Variants in BDP1 observed in about 807,000 individuals in gnomAD.
BDP1 encodes the protein transcription factor TFIIIB component B'' homolog.
A neutral mutation model predicts 266.6 loss-of-function variants in BDP1; 169 were observed. That is an observed-to-expected ratio of 0.63 (90% CI 0.56 to 0.72). The LOEUF (loss-of-function observed/expected upper bound fraction) is 0.72. Among genes scored for constraint, BDP1 ranks in the 30% least tolerant of loss-of-function variants. The pLI is 0.00. For missense variants in BDP1, 3,015 were observed against 3,053.8 expected, an observed-to-expected ratio of 0.99 and a Z score of 0.30; for synonymous variants, 1,090 against 1,022.4, an observed-to-expected ratio of 1.07 and a Z score of -1.26.
At position 71,560,245 on chromosome 5, in the gene BDP1, G is replaced by C; in HGVS notation, c.7496+8G>C. 3.1e-6 allele frequency: 5 copies of C among 1,611,896 alleles called. No individual in the cohort carries two copies. In the South Asian group the frequency reaches 5.5e-5, roughly 18 times the overall value. On this transcript the variant is annotated splice_region_variant and intron_variant, in intron 37 of 38. Transcript: ENST00000358731. Reference sequence around the variant, plus strand: ...TAAAGCCTCACTATCCAGGTATCATGAACAAATCTTTAATAAGTGTTTTGC... The same window carrying C: ...TAAAGCCTCACTATCCAGGTATCATCAACAAATCTTTAATAAGTGTTTTGC...
chr5:71,554,343 C>G (rs888255257), intron 35 of BDP1, among the ~76,000 whole-genome samples: 10 of 152,162 alleles, frequency 6.6e-5, no homozygotes, highest in Admixed American at 6.5e-4. Context: ...TGGAAGAACT[C>G]TTATATATGT....
At position 71,502,764 on chromosome 5, in the gene BDP1, T is replaced by C; in HGVS notation, c.2214T>C (p.Asn738=). 1 of 1,613,580 alleles carries C rather than the reference T, an allele frequency of 6.2e-7. No homozygotes were observed. Among genetic ancestry groups the C allele is most frequent in the South Asian group, 1.1e-5 (1 of 91,054 alleles). The change falls in exon 15 of 39, where the codon AAT becomes AAC. Residue 738 remains asparagine, a synonymous_variant. Coordinates refer to ENST00000358731, the MANE Select transcript of BDP1 (RefSeq NM_018429.3). The part of the protein sequence containing the change: ...QEEIGANVEK[N]ENESCADRDT... ...AAATTGGGGCCAATGTAGAGAAGAATGAAAATGAATCCTGTGCTGATAGAG... is the reference window on the plus strand; with the variant it reads ...AAATTGGGGCCAATGTAGAGAAGAACGAAAATGAATCCTGTGCTGATAGAG...
intron 7 of BDP1, among the ~76,000 whole-genome samples, chr5:71,475,215 C>T (rs574983668): frequency 6.6e-6 from 1 of 152,206 alleles, no homozygotes; most frequent in Admixed American, 6.5e-5. Flanking sequence ...TCAAATGATC[C>T]TCCCACCTCG....
chr5:71,498,293 A>T (rs895015788), intron 13 of BDP1, among the ~76,000 whole-genome samples: 1 of 151,744 alleles, frequency 6.6e-6, no homozygotes, highest in Non-Finnish European at 1.5e-5. Flanking sequence ...ATGGAGTTTC[A>T]CTGTGTTCAC....
the BDP1 span, among the ~76,000 whole-genome samples, chr5:71,573,011 T>A: frequency 6.6e-6 from 1 of 151,882 alleles, no homozygotes; most frequent in Non-Finnish European, 1.5e-5. Context: ...GGTGGATCAT[T>A]TGAGGTTAGG....
At chr5:71,544,054 G>A (rs1200258975) in intron 30 of BDP1, among the ~76,000 whole-genome samples, 4 of 152,254 alleles carry the variant, frequency 2.6e-5, no homozygotes, top group South Asian at 4.1e-4. Context: ...TACCCACCTC[G>A]AAGTCTCTTT....
intron 9 of BDP1, among the ~76,000 whole-genome samples, chr5:71,487,561 C>A (rs912320095): frequency 2.6e-5 from 4 of 152,040 alleles, no homozygotes; most frequent in Non-Finnish European, 5.9e-5. Context: ...TGGTTTTAAT[C>A]ACCAAGAAAC....
chr5:71,547,329 C>CT (rs926222508), intron 32 of BDP1, among the ~76,000 whole-genome samples: 14 of 151,906 alleles, frequency 9.2e-5, no homozygotes, highest in South Asian at 4.2e-4. Flanking sequence ...GTCTGGATTT[C>CT]TTTTTTTTAA....
chr5:71,562,543 T>C (rs1428984790), intron 38 of BDP1, 23 bp downstream of exon 38: 6 of 1,604,500 alleles, frequency 3.7e-6, no homozygotes. Flanking sequence ...TACTGTATTT[T>C]ATAGTTTGTA....
At chr5:71,466,688 T>C (rs1761927615) in intron 5 of BDP1, among the ~76,000 whole-genome samples, 1 of 152,180 alleles carries the variant, frequency 6.6e-6, no homozygotes, top group Non-Finnish European at 1.5e-5. Flanking sequence ...TTTGGTTTAA[T>C]TTCTCAGTTA....
chr5:71,472,006 AT>A (rs1301271288), intron 7 of BDP1, among the ~76,000 whole-genome samples: 3 of 152,242 alleles, frequency 2.0e-5, no homozygotes, highest in Non-Finnish European at 4.4e-5. Context: ...AAATGTTAAA[AT>A]TCTGTGAAGG....
At chr5:71,525,838 C>T (rs1458840268) in intron 25 of BDP1, among the ~76,000 whole-genome samples, 3 of 149,294 alleles carry the variant, frequency 2.0e-5, no homozygotes, top group Non-Finnish European at 4.5e-5. Flanking sequence ...ACTTCTCAGA[C>T]GGTGTGGCTG....
At chr5:71,507,315 A>G (rs1580098500) in intron 16 of BDP1, among the ~76,000 whole-genome samples, 1 of 152,306 alleles carries the variant, frequency 6.6e-6, no homozygotes, top group Middle Eastern at 3.4e-3. Flanking sequence ...TTGAGAAATA[A>G]TCTAGTTCAA....
intron 26 of BDP1, among the ~76,000 whole-genome samples, chr5:71,535,619 T>A (rs753100041): frequency 6.6e-6 from 1 of 152,192 alleles, no homozygotes; most frequent in African/African-American, 2.4e-5. Context: ...AAAACAAATT[T>A]ATTCTCTCAC....
intron 13 of BDP1, among the ~76,000 whole-genome samples, chr5:71,499,945 T>C (rs971165061): frequency 1.3e-5 from 2 of 152,206 alleles, no homozygotes; most frequent in Non-Finnish European, 2.9e-5. Context: ...TTATTTGTTA[T>C]TTTTATTACT....
rs35347206 is a variant in BDP1, at chr5:71,533,468, A to ATT, written c.5892+1057_5892+1058dup. ...TTTCACTTTTTTTTTTGTTCGGTGG[A>ATT]TTTTTTTTTTTTTTTTTGAGACGGC... is the stretch of plus-strand genomic sequence containing the variant. On this transcript the variant is annotated intron_variant, in intron 26 of 38. Coordinates refer to ENST00000358731, the MANE Select transcript of BDP1 (RefSeq NM_018429.3). Among the ~76,000 whole-genome samples the ATT allele has an allele frequency of 9.8e-4, 122 of 124,788 alleles. 1 individual carries two copies. The highest frequency in any genetic ancestry group is 2.3e-3 in the East Asian group (10 of 4,386). 81.9% of individuals were successfully genotyped at this position (124,788 alleles called of 152,430 possible).
Position 71,562,320 on chromosome 5 carries a change from A to G in BDP1, c.7543A>G (p.Asn2515Asp), listed in dbSNP as rs932045602. 2 of 1,612,892 alleles carry G rather than the reference A, an allele frequency of 1.2e-6. No homozygotes were observed. Among genetic ancestry groups the G allele is most frequent in the Admixed American group, 3.3e-5 (2 of 59,748 alleles). The change falls in exon 38 of 39, where the codon AAT becomes GAT. Residue 2515 changes from asparagine (N) to aspartate (D), a missense_variant. By Grantham distance (23) the Asn-to-Asp change is conservative. Coordinates refer to ENST00000358731, the MANE Select transcript of BDP1 (RefSeq NM_018429.3). ...LGFLSLICSK[N>D]SLESDEPMQV... Reference sequence around the variant, plus strand: ...ATTTTTATCTTTAATATGCTCAAAGAATAGTTTGGAGTCTGATGAACCTAT... The same window carrying G: ...ATTTTTATCTTTAATATGCTCAAAGGATAGTTTGGAGTCTGATGAACCTAT...
At chr5:71,562,811 G>A (rs1280000509) in intron 38 of BDP1, 5 of 1,335,808 alleles carry the variant, frequency 3.7e-6, no homozygotes, top group African/African-American at 1.5e-5. Context: ...AGGAAGCAGT[G>A]CTGACACCCA....
chr5:71,457,751 A>C (rs1409557854), intron 1 of BDP1, among the ~76,000 whole-genome samples: 2 of 152,224 alleles, frequency 1.3e-5, no homozygotes, highest in Non-Finnish European at 2.9e-5. Flanking sequence ...TTTAAATTGA[A>C]GTCTTCCTGG....
Sources: gnomAD v4.1 joint callset for allele counts (sites outside exome capture counted in the v4.1 genomes callset) on GRCh38, gnomAD v4.1.1 for gene constraint, MANE v1.5 for transcripts, NCBI Gene and HGNC (gene_info 2026-07-23, HGNC 2026-07-21) for gene names.